KIF3B: variants seen among roughly 807,000 people sequenced by gnomAD.
The protein encoded by KIF3B is kinesin-like protein KIF3B.
KIF3B carries 38 observed loss-of-function variants against 74.3 expected under a neutral mutation model. That is an observed-to-expected ratio of 0.51 (90% CI 0.39 to 0.67). KIF3B has a LOEUF of 0.67. KIF3B is among the 30% of genes least tolerant of loss of function. The pLI is 0.00. For missense variants in KIF3B, 649 were observed against 932.0 expected (o/e 0.70, Z 3.95); for synonymous variants, 326 against 342.5 (o/e 0.95, Z 0.53).
At chr20:32,313,251 C>CAAA (rs1429097018) in intron 2 of KIF3B, among the ~76,000 whole-genome samples, 35 of 152,220 alleles carry the variant, frequency 2.3e-4, no homozygotes, top group Non-Finnish European at 4.1e-4. Flanking sequence ...GAGGAGAGTG[C>CAAA]AAAGGTAGAC....
chr20:32,322,032 A>G (rs1018452920), intron 5 of KIF3B, among the ~76,000 whole-genome samples: 5 of 152,228 alleles, frequency 3.3e-5, no homozygotes, highest in African/African-American at 1.2e-4. Context: ...CAGCTTGTCA[A>G]TTTCTGCAAA....
chr20:32,292,718 C>G (rs1250423510), intron 1 of KIF3B, among the ~76,000 whole-genome samples: 5 of 152,002 alleles, frequency 3.3e-5, no homozygotes, highest in African/African-American at 1.2e-4. Flanking sequence ...GATTCTGCCA[C>G]TGCACTCCAG....
intron 2 of KIF3B, among the ~76,000 whole-genome samples, chr20:32,314,833 G>T (rs1237538348): frequency 2.0e-5 from 3 of 152,030 alleles, no homozygotes; most frequent in Non-Finnish European, 1.5e-5. Context: ...CAGGCCCATT[G>T]TATGTCTAGC....
chr20:32,297,521 T>G (rs762487185), intron 1 of KIF3B, among the ~76,000 whole-genome samples: 25 of 152,182 alleles, frequency 1.6e-4, no homozygotes, highest in African/African-American at 2.9e-4. Context: ...TGTAAACTGC[T>G]TTTTCATTTA....
intron 1 of KIF3B, among the ~76,000 whole-genome samples, chr20:32,295,340 T>C (rs1010134123): frequency 6.6e-6 from 1 of 151,704 alleles, no homozygotes; most frequent in Admixed American, 6.6e-5. Context: ...TCGCCCAGGC[T>C]GGAGTGCAGT....
rs767921491 is a variant in KIF3B, at chr20:32,310,219, T to C, written c.442T>C (p.Tyr148His). The change falls in exon 2 of 9, where the codon TAC becomes CAC. Residue 148 changes from tyrosine to histidine, a missense_variant. Coordinates refer to ENST00000375712, the MANE Select transcript of KIF3B (RefSeq NM_004798.4). The surrounding 1 kb of genome is among the most constrained non-coding windows in gnomAD (Gnocchi z 6.5). ...YLVRASYLEI[Y>H]QEEIRDLLSK... is the part of the protein sequence containing the mutation. ...GGTCAGGGCTTCTTACTTAGAGATC[T>C]ACCAGGAGGAGATCCGAGATTTGCT... is the stretch of plus-strand genomic sequence containing the variant. 1.2e-5 allele frequency: 19 copies of C among 1,613,880 alleles called. No individual in the cohort carries two copies. Among genetic ancestry groups the C allele is most frequent in the Non-Finnish European group, 1.6e-5 (19 of 1,179,816 alleles).
chr20:32,304,912 G>C (rs1450548283), intron 1 of KIF3B, among the ~76,000 whole-genome samples: 1 of 151,262 alleles, frequency 6.6e-6, no homozygotes, highest in East Asian at 2.1e-4. Flanking sequence ...AGGCTGAGGT[G>C]GGTGGATCAC....
intron 1 of KIF3B, among the ~76,000 whole-genome samples, chr20:32,287,828 A>G (rs2047674038): frequency 6.6e-6 from 1 of 151,284 alleles, no homozygotes; most frequent in South Asian, 2.1e-4. Context: ...AAAAATTCTA[A>G]CAGAGAACTG....
chr20:32,305,570 C>CTTTTTTTT (rs869049527), intron 1 of KIF3B, among the ~76,000 whole-genome samples: 142 of 86,914 alleles, frequency 1.6e-3, no homozygotes, highest in African/African-American at 2.5e-3. Flanking sequence ...ACTCCCCCAC[C>CTTTTTTTT]TTTTTTTTTT....
intron 1 of KIF3B, among the ~76,000 whole-genome samples, chr20:32,291,518 A>C (rs1482618806): frequency 6.6e-6 from 1 of 152,182 alleles, no homozygotes; most frequent in Admixed American, 6.5e-5. Flanking sequence ...CTAGAGGATA[A>C]GAACTTTCTT....
intron 1 of KIF3B, among the ~76,000 whole-genome samples, chr20:32,308,453 C>T (rs994597291): frequency 2.0e-5 from 3 of 152,120 alleles, no homozygotes; most frequent in African/African-American, 7.2e-5. Flanking sequence ...CTCTGTCCTC[C>T]AGGCCAGAGT....
intron 1 of KIF3B, among the ~76,000 whole-genome samples, chr20:32,279,607 A>G (rs1394214849): frequency 2.0e-5 from 3 of 152,196 alleles, no homozygotes; most frequent in East Asian, 3.9e-4. Flanking sequence ...CTGGGATTAC[A>G]GGCATGTGCC....
At chr20:32,301,576 C>G (rs894292967) in intron 1 of KIF3B, among the ~76,000 whole-genome samples, 3 of 150,950 alleles carry the variant, frequency 2.0e-5, no homozygotes, top group African/African-American at 7.3e-5. Flanking sequence ...GGGGTCTCAC[C>G]GTGTTGGACA....
intron 1 of KIF3B, among the ~76,000 whole-genome samples, chr20:32,283,552 G>A (rs964250414): frequency 6.6e-6 from 1 of 150,402 alleles, no homozygotes; most frequent in Non-Finnish European, 1.5e-5. Flanking sequence ...ACTCACACCT[G>A]TAATCTCAGC....
chr20:32,313,548 T>C (rs549895628), intron 2 of KIF3B, among the ~76,000 whole-genome samples: 46 of 152,134 alleles, frequency 3.0e-4, no homozygotes, highest in Non-Finnish European at 5.9e-4. Context: ...GAAAGTCCCT[T>C]CTAGCACTTT....
chr20:32,289,838 G>A (rs564940416), intron 1 of KIF3B, among the ~76,000 whole-genome samples: 1 of 152,274 alleles, frequency 6.6e-6, no homozygotes, highest in East Asian at 1.9e-4. Flanking sequence ...AAAGGCCATG[G>A]ACTTTGGAGC....
rs751595674 is a variant in KIF3B at position 32,316,235 on chromosome 20, G to A, written c.1422G>A (p.Leu474=). The A allele has an allele frequency of 5.6e-6, 9 of 1,606,164 alleles. No individual in the cohort carries two copies. The East Asian group carries it at 1.6e-4, about 28-fold the overall frequency. Residue 474 remains leucine (L), a synonymous_variant, in exon 3 of 9, where the codon TTG becomes TTA. Coordinates refer to ENST00000375712, the MANE Select transcript of KIF3B (RefSeq NM_004798.4). ...GAKIKAMESK[L]LVGGKNIVDH... ...TCACTCAGGCCATGGAGAGTAAGTT[G>A]CTTGTTGGAGGAAAAAATATAGTAG...
chr20:32,317,236 CAAAAA>C (rs1246763866), intron 5 of KIF3B, among the ~76,000 whole-genome samples: 2 of 152,024 alleles, frequency 1.3e-5, no homozygotes, highest in Admixed American at 1.3e-4. Flanking sequence ...GAAAAAAACA[CAAAAA>C]AAGAAATAGC....
At chr20:32,311,419 T>C (rs1243749557) in intron 2 of KIF3B, among the ~76,000 whole-genome samples, 1 of 151,202 alleles carries the variant, frequency 6.6e-6, no homozygotes, top group East Asian at 1.9e-4. Context: ...TGTATGCACA[T>C]AGTATAAAGA....
Sources: allele counts gnomAD v4.1 joint callset (sites outside exome capture counted in the v4.1 genomes callset), GRCh38; gene constraint gnomAD v4.1.1; non-coding constraint Gnocchi (gnomAD v3.1); transcripts MANE v1.5; gene names NCBI Gene and HGNC (gene_info 2026-07-23, HGNC 2026-07-21).